Variants in GNAQ observed in about 807,000 individuals in gnomAD.
The protein encoded by GNAQ is guanine nucleotide-binding protein G(q) subunit alpha.
A neutral mutation model predicts 43.9 loss-of-function variants in GNAQ; 8 were observed. The ratio of observed to expected loss-of-function variants is 0.18; its 90% confidence interval spans 0.11 to 0.33. GNAQ has a LOEUF of 0.33. GNAQ is among the 10% of genes least tolerant of loss of function. The probability of loss-of-function intolerance (pLI) is 1.00; values close to 1 mark genes in which losing one functional copy is unlikely to be tolerated. For missense variants in GNAQ, 158 were observed against 450.8 expected (o/e 0.35, Z 5.88); for synonymous variants, 155 against 170.7 (o/e 0.91, Z 0.71).
chr9:77,847,427 T>C (rs1299546535), intron 2 of GNAQ, among the ~76,000 whole-genome samples: 1 of 152,096 alleles, frequency 6.6e-6, no homozygotes, highest in Non-Finnish European at 1.5e-5. Context: ...CTGGAGGAGA[T>C]GGAAGAGGAA....
Position 77,758,926 on chromosome 9 carries a change from C to G in GNAQ, c.736-30259G>C, listed in dbSNP as rs184839976. On this transcript the variant is annotated intron_variant, in intron 5 of 6. Transcript: ENST00000286548. ...ATTTGAAAGATAATCCAAACTTATT[C>G]TCAAGAGTCTGCTGTATGTTTAAAA... is the stretch of plus-strand genomic sequence containing the variant. 8.1e-3 allele frequency among the ~76,000 whole-genome samples: 1,230 copies of G among 152,114 alleles called. 14 individuals carry two copies. Among genetic ancestry groups the G allele is most frequent in the Non-Finnish European group, 0.013 (859 of 67,968 alleles).
chr9:77,814,198 C>A (rs999866503), intron 3 of GNAQ, among the ~76,000 whole-genome samples: 3 of 152,062 alleles, frequency 2.0e-5, no homozygotes, highest in Admixed American at 6.5e-5. Flanking sequence ...GAGCTGAATG[C>A]ATCTTTTTCA....
At chr9:77,802,873 G>A (rs1423957096) in intron 3 of GNAQ, among the ~76,000 whole-genome samples, 1 of 151,920 alleles carries the variant, frequency 6.6e-6, no homozygotes, top group African/African-American at 2.4e-5. Context: ...TCCCTCCATG[G>A]GGATTTAATG....
intron 1 of GNAQ, among the ~76,000 whole-genome samples, chr9:78,006,933 CA>C (rs1823714198): frequency 6.6e-6 from 1 of 152,128 alleles, no homozygotes; most frequent in African/African-American, 2.4e-5. Context: ...TGTTAGTCCT[CA>C]TGAAAATGAG....
chr9:77,962,665 G>A (rs1418995718), intron 1 of GNAQ, among the ~76,000 whole-genome samples: 3 of 151,974 alleles, frequency 2.0e-5, no homozygotes, highest in East Asian at 1.9e-4. Context: ...CGAGGCGGGC[G>A]GATCACTTGA....
chr9:77,908,737 G>A (rs1319257208), intron 2 of GNAQ, among the ~76,000 whole-genome samples: 24 of 152,164 alleles, frequency 1.6e-4, no homozygotes, highest in Admixed American at 1.6e-3. Flanking sequence ...TAGCCTACTG[G>A]TGATTTCATA....
At chr9:77,961,766 C>T (rs1823110005) in intron 1 of GNAQ, among the ~76,000 whole-genome samples, 1 of 152,132 alleles carries the variant, frequency 6.6e-6, no homozygotes, top group Non-Finnish European at 1.5e-5. Flanking sequence ...TCCAAAATAT[C>T]CAGCAATCAA....
In GNAQ at chr9:77,728,754, C is replaced by A. The variant is rs562259427; in HGVS notation, c.736-87G>T. On this transcript the variant is annotated intron_variant, in intron 5 of 6. Coordinates refer to ENST00000286548, the MANE Select transcript of GNAQ (RefSeq NM_002072.5). ...AATTGTGTTTATTTTATAAGTCCAA[C>A]CCATCTTTTGTATACGACCAGTTTT... 4.2e-6 allele frequency: 4 copies of A among 958,326 alleles called. No homozygotes were observed. In the South Asian group the frequency reaches 6.2e-5, roughly 15 times the overall value. 59.4% of individuals were successfully genotyped at this position (958,326 alleles called of 1,614,324 possible).
chr9:77,747,045 T>C (rs2118279326), intron 5 of GNAQ, among the ~76,000 whole-genome samples: 1 of 152,206 alleles, frequency 6.6e-6, no homozygotes, highest in South Asian at 2.1e-4. Flanking sequence ...TAAAATACAG[T>C]TCTGGGAAGA....
chr9:77,898,777 T>C (rs908595712), intron 2 of GNAQ, among the ~76,000 whole-genome samples: 4 of 152,188 alleles, frequency 2.6e-5, no homozygotes, highest in Admixed American at 6.5e-5. Context: ...TAAACTGCTA[T>C]TAAGAATTTA....
At chr9:77,959,151 C>T (rs561765767) in intron 1 of GNAQ, among the ~76,000 whole-genome samples, 6 of 152,246 alleles carry the variant, frequency 3.9e-5, no homozygotes, top group South Asian at 2.1e-4. Context: ...TGATTCTTCA[C>T]GCATTAAAGA....
chr9:77,767,425 T>C (rs1826154253), intron 5 of GNAQ, among the ~76,000 whole-genome samples: 1 of 152,154 alleles, frequency 6.6e-6, no homozygotes, highest in Non-Finnish European at 1.5e-5. Flanking sequence ...GCTCTGAACA[T>C]ACCATGTGGG....
At chr9:77,879,969 A>G (rs977871255) in intron 2 of GNAQ, among the ~76,000 whole-genome samples, 2 of 152,238 alleles carry the variant, frequency 1.3e-5, no homozygotes, top group African/African-American at 4.8e-5. Context: ...AGAAAATTAC[A>G]AAGTTCAGTA....
At chr9:77,923,681 T>C (rs1176359559) in intron 1 of GNAQ, among the ~76,000 whole-genome samples, 2 of 152,096 alleles carry the variant, frequency 1.3e-5, no homozygotes, top group Non-Finnish European at 2.9e-5. Context: ...AATTTGGATA[T>C]TAAAGACGGA....
chr9:77,962,599 T>C (rs999139918), intron 1 of GNAQ, among the ~76,000 whole-genome samples: 43 of 152,046 alleles, frequency 2.8e-4, no homozygotes, highest in African/African-American at 9.9e-4. Context: ...CTTCAAAAAG[T>C]GCATGGAAGG....
chr9:77,960,715 A>G (rs1355974046), intron 1 of GNAQ, among the ~76,000 whole-genome samples: 1 of 152,238 alleles, frequency 6.6e-6, no homozygotes, highest in Non-Finnish European at 1.5e-5. Context: ...ATCATTTACA[A>G]AAGATGGGAA....
chr9:77,765,050 G>A (rs184164887), intron 5 of GNAQ, among the ~76,000 whole-genome samples: 34 of 152,198 alleles, frequency 2.2e-4, no homozygotes, highest in Admixed American at 2.1e-3. Context: ...TCGGTTTTAT[G>A]CAAGTACTTC....
At chr9:78,021,884 A>T (rs571373409) in intron 1 of GNAQ, among the ~76,000 whole-genome samples, 4 of 152,280 alleles carry the variant, frequency 2.6e-5, no homozygotes, top group Non-Finnish European at 5.9e-5. Flanking sequence ...TGAGCCGAGC[A>T]GCGCTGGAAC....
In GNAQ at chr9:77,839,795, C is replaced by T. The variant is rs143203566; in HGVS notation, c.322-24025G>A. 1.1e-3 allele frequency among the ~76,000 whole-genome samples: 168 copies of T among 152,332 alleles called. 1 individual carries two copies. The highest frequency in any genetic ancestry group is 9.1e-3 in the South Asian group (44 of 4,826). On this transcript the variant is annotated intron_variant, in intron 2 of 6. Transcript: ENST00000286548. Reference sequence around the variant, plus strand: ...TTTCTATTTAAGAAAAAGTACCTTACTCCATAGTGGGTTAAGTGCTGAAAA... The same window carrying T: ...TTTCTATTTAAGAAAAAGTACCTTATTCCATAGTGGGTTAAGTGCTGAAAA...
Sources: allele counts gnomAD v4.1 joint callset (sites outside exome capture counted in the v4.1 genomes callset), GRCh38; gene constraint gnomAD v4.1.1; transcripts MANE v1.5; gene names NCBI Gene and HGNC (gene_info 2026-07-23, HGNC 2026-07-21).